Variants in SNTG1 observed in about 807,000 individuals in gnomAD.
The protein encoded by SNTG1 is syntrophin gamma 1, also known as gamma-1-syntrophin.
In SNTG1, 39 loss-of-function variants were observed where a neutral mutation model predicts 74.7. The observed-to-expected ratio is 0.52, with a 90% CI of 0.40 to 0.68. The LOEUF (loss-of-function observed/expected upper bound fraction) is 0.68. Among genes scored for constraint, SNTG1 ranks in the 30% least tolerant of loss-of-function variants. The pLI, the probability that SNTG1 is intolerant of heterozygous loss-of-function variation, is 0.00. For synonymous variants in SNTG1, 254 were observed against 217.1 expected (o/e 1.17, Z -1.49); for missense variants, 685 against 609.5 (o/e 1.12, Z -1.30).
chr8:50,161,173 A>G (rs1371268906), intron 1 of SNTG1, among the ~76,000 whole-genome samples: 1 of 152,234 alleles, frequency 6.6e-6, no homozygotes, highest in Non-Finnish European at 1.5e-5. Context: ...ATGATCACAT[A>G]AGTTGAAATT....
intron 18 of SNTG1, among the ~76,000 whole-genome samples, chr8:50,774,877 G>A (rs1302076114): frequency 6.6e-6 from 1 of 151,184 alleles, no homozygotes; most frequent in Non-Finnish European, 1.5e-5. Flanking sequence ...TCATTGTTCT[G>A]AACTAGAATG....
chr8:50,523,799 T>G (rs1232546858), intron 9 of SNTG1, among the ~76,000 whole-genome samples: 1 of 152,180 alleles, frequency 6.6e-6, no homozygotes, highest in Non-Finnish European at 1.5e-5. Flanking sequence ...AAACAGCATA[T>G]AGATCTGCTG....
intron 2 of SNTG1, among the ~76,000 whole-genome samples, chr8:50,178,088 C>A (rs2083065576): frequency 1.3e-5 from 2 of 152,064 alleles, no homozygotes; most frequent in Non-Finnish European, 1.5e-5. Context: ...GTGGTATACT[C>A]CGATTTATTT....
At chr8:50,648,109 GTGAATGTTT>G (rs1195138350) in intron 13 of SNTG1, among the ~76,000 whole-genome samples, 2 of 152,134 alleles carry the variant, frequency 1.3e-5, no homozygotes, top group East Asian at 3.8e-4. Context: ...AAACGGGAAG[GTGAATGTTT>G]GACTGAGAGA....
intron 8 of SNTG1, among the ~76,000 whole-genome samples, chr8:50,487,450 A>G (rs747573376): frequency 1.3e-5 from 2 of 152,208 alleles, no homozygotes; most frequent in African/African-American, 2.4e-5. Context: ...AATGTCCAAC[A>G]ATGATAGACT....
chr8:50,505,934 G>A (rs2129788502), intron 9 of SNTG1, among the ~76,000 whole-genome samples: 1 of 152,114 alleles, frequency 6.6e-6, no homozygotes, highest in East Asian at 1.9e-4. Context: ...CAAATCCAAT[G>A]TCATAAAGAT....
At chr8:49,954,568 T>C (rs555694067) in intron 1 of SNTG1, among the ~76,000 whole-genome samples, 139 of 152,344 alleles carry the variant, frequency 9.1e-4, no homozygotes, top group Non-Finnish European at 1.3e-3. Context: ...TTTCAGTCTT[T>C]AATTTTTTAT....
chr8:50,341,283 G>C (rs2091309827), intron 2 of SNTG1, among the ~76,000 whole-genome samples: 1 of 151,832 alleles, frequency 6.6e-6, no homozygotes, highest in Non-Finnish European at 1.5e-5. Context: ...TAATATTGTG[G>C]AGTTCAAACA....
intron 8 of SNTG1, among the ~76,000 whole-genome samples, chr8:50,456,387 C>CTTTTTTTTTTTT (rs993884924): frequency 6.7e-6 from 1 of 149,334 alleles, no homozygotes; most frequent in Non-Finnish European, 1.5e-5. Context: ...CTAATAGAGG[C>CTTTTTTTTTTTT]TTTTTTTTTT....
At chr8:50,636,675 ATT>A (rs1445783852) in intron 13 of SNTG1, among the ~76,000 whole-genome samples, 1 of 151,890 alleles carries the variant, frequency 6.6e-6, no homozygotes, top group Non-Finnish European at 1.5e-5. Flanking sequence ...ACAATTCAAG[ATT>A]TTCTTTCTAC....
Position 50,066,890 on chromosome 8 carries a change from T to TA in SNTG1, c.-102-105665dup, listed in dbSNP as rs148199472. 5.1e-3 allele frequency among the ~76,000 whole-genome samples: 782 copies of TA among 152,118 alleles called. 5 individuals are homozygous for TA. Among genetic ancestry groups the TA allele is most frequent in the African/African-American group, 0.018 (750 of 41,502 alleles). ...TTATTGAAAAATCCTCAAATGGAAA[T>TA]AAAAAACAGTAAAGAAAATATTGTA... On this transcript the variant is annotated intron_variant, in intron 1 of 18. Coordinates refer to ENST00000642720, the MANE Select transcript of SNTG1 (RefSeq NM_018967.5).
At chr8:50,045,775 G>T (rs933362518) in intron 1 of SNTG1, among the ~76,000 whole-genome samples, 5 of 152,182 alleles carry the variant, frequency 3.3e-5, no homozygotes, top group Non-Finnish European at 7.3e-5. Context: ...ATGGATATGT[G>T]ATTCTGTTAG....
intron 1 of SNTG1, among the ~76,000 whole-genome samples, chr8:50,157,297 T>C (rs1006662348): frequency 1.3e-5 from 2 of 152,130 alleles, no homozygotes; most frequent in African/African-American, 4.8e-5. Flanking sequence ...GCCTGAGTGC[T>C]ATAGAAATGT....
intron 15 of SNTG1, among the ~76,000 whole-genome samples, chr8:50,680,071 C>T (rs896782947): frequency 2.6e-5 from 4 of 152,124 alleles, no homozygotes; most frequent in Admixed American, 6.6e-5. Flanking sequence ...TCTTTCTCCA[C>T]TGCCCTCAGT....
At chr8:50,040,918 C>A (rs1272847432) in intron 1 of SNTG1, among the ~76,000 whole-genome samples, 1 of 151,938 alleles carries the variant, frequency 6.6e-6, no homozygotes, top group African/African-American at 2.4e-5. Context: ...TTTTTTGAGA[C>A]GGAGTTTTGC....
intron 18 of SNTG1, 67 bp downstream of exon 18, chr8:50,752,178 G>A (rs916735098): frequency 8.4e-6 from 7 of 834,926 alleles, no homozygotes; most frequent in Middle Eastern, 2.5e-4. Context: ...ACAAAGAGGG[G>A]AAACTTTCGG....
chr8:50,440,603 A>G (rs2093349409), intron 5 of SNTG1, among the ~76,000 whole-genome samples: 1 of 152,204 alleles, frequency 6.6e-6, no homozygotes, highest in Non-Finnish European at 1.5e-5. Flanking sequence ...ATTTATTTAC[A>G]GTTTTCAGGA....
At chr8:50,597,499 T>A (rs994782205) in intron 13 of SNTG1, among the ~76,000 whole-genome samples, 34 of 151,610 alleles carry the variant, frequency 2.2e-4, no homozygotes, top group African/African-American at 8.0e-4. Flanking sequence ...TCAGCTATTT[T>A]GAATAGTGTT....
chr8:49,959,477 A>G (rs1443083787), intron 1 of SNTG1, among the ~76,000 whole-genome samples: 1 of 152,202 alleles, frequency 6.6e-6, no homozygotes, highest in Non-Finnish European at 1.5e-5. Flanking sequence ...CTACACAGAC[A>G]CTAATCTGCT....
Sources: allele counts gnomAD v4.1 joint callset (sites outside exome capture counted in the v4.1 genomes callset), GRCh38; gene constraint gnomAD v4.1.1; transcripts MANE v1.5; gene names NCBI Gene and HGNC (gene_info 2026-07-23, HGNC 2026-07-21).